Variants in AQP1 observed in about 807,000 individuals in gnomAD.
AQP1 encodes aquaporin-1.
Under a neutral mutation model 19.7 loss-of-function variants are expected in AQP1, and 11 were observed. The observed-to-expected ratio is 0.56, with a 90% CI of 0.35 to 0.92. AQP1 has a LOEUF of 0.92. Ranked by LOEUF, AQP1 falls within the 40% of genes least tolerant of loss-of-function variation. AQP1 has a pLI of 0.01. For missense variants in AQP1, 320 were observed against 369.7 expected (o/e 0.87, Z 1.10); for synonymous variants, 159 against 166.7 (o/e 0.95, Z 0.36).
At position 30,923,611 on chromosome 7, in the gene AQP1, G is replaced by A; in HGVS notation, c.792G>A (p.Val264=). The A allele has an allele frequency of 6.3e-7, 1 of 1,596,014 alleles. No individual in the cohort carries two copies. Among genetic ancestry groups the A allele is most frequent in the African/African-American group, 1.4e-5 (1 of 72,296 alleles). ...ATGCCGACGACATCAACTCCAGGGT[G>A]GAGATGAAGCCCAAATAGAAGGGGT... The part of the protein sequence containing the change: ...DLDADDINSR[V]EMKPK Residue 264 remains valine, a synonymous_variant, in exon 4 of 4, where the codon GTG becomes GTA. Coordinates refer to ENST00000311813, the MANE Select transcript of AQP1 (RefSeq NM_198098.4). The surrounding 1 kb of genome is among the most constrained non-coding windows in gnomAD (Gnocchi z 4.8).
At chr7:30,920,465 C>G (rs1033399510) in intron 1 of AQP1, among the ~76,000 whole-genome samples, 1 of 152,166 alleles carries the variant, frequency 6.6e-6, no homozygotes, top group African/African-American at 2.4e-5. Flanking sequence ...TTCTGCCTGT[C>G]CCCAGATCCT....
rs925542626 is a variant in AQP1, at chr7:30,923,157, G to A, written c.631-293G>A. The stretch of plus-strand genomic sequence containing the variant: ...TTTGCATTAGACAATGGTCTCTGGG[G>A]CCCTTCCAAAGCTGGGAGTGTGGGG... On this transcript the variant is annotated intron_variant, in intron 3 of 3. Coordinates refer to ENST00000311813, the MANE Select transcript of AQP1 (RefSeq NM_198098.4). This position sits in a 1 kb window ranked among gnomAD's most constrained non-coding sequence, Gnocchi z 4.8. 4.6e-5 allele frequency among the ~76,000 whole-genome samples: 7 copies of A among 152,230 alleles called. No homozygotes were observed. Among genetic ancestry groups the A allele is most frequent in the African/African-American group, 1.2e-4 (5 of 41,462 alleles).
In AQP1 at chr7:30,914,763, T is replaced by C. The variant is rs28362702; in HGVS notation, c.384+2470T>C. Reference sequence around the variant, plus strand: ...ACCTGGGTGGGGCAAGTGGTTGGCATGGAGATTTCCAAGGAAAACAGAGAA... The same window carrying C: ...ACCTGGGTGGGGCAAGTGGTTGGCACGGAGATTTCCAAGGAAAACAGAGAA... On this transcript the variant is annotated intron_variant, in intron 1 of 3. Transcript: ENST00000311813. Among the ~76,000 whole-genome samples, 678 of 152,294 alleles carry C rather than the reference T, an allele frequency of 4.5e-3. 7 individuals are homozygous for C. The highest frequency in any genetic ancestry group is 0.016 in the African/African-American group (650 of 41,562).
chr7:30,912,354 C>T lies in AQP1; in HGVS notation c.384+61C>T. ...GAATGATGCTGAAAGGCACTGGTTC[C>T]ATCCTCTGCCCATTGTGCAGATGGG... On this transcript the variant is annotated intron_variant, in intron 1 of 3. Coordinates refer to ENST00000311813, the MANE Select transcript of AQP1 (RefSeq NM_198098.4). The surrounding 1 kb of genome is among the most constrained non-coding windows in gnomAD (Gnocchi z 4.3). The T allele has an allele frequency of 6.4e-7, 1 of 1,573,020 alleles. No homozygotes were observed. The highest frequency in any genetic ancestry group is 8.6e-7 in the Non-Finnish European group (1 of 1,163,574).
At chr7:30,922,813 C>T (rs1317932498) in intron 3 of AQP1, among the ~76,000 whole-genome samples, 169 bp downstream of exon 3, 1 of 152,202 alleles carries the variant, frequency 6.6e-6, no homozygotes, top group African/African-American at 2.4e-5. Flanking sequence ...GTCACACTGC[C>T]AGCACTTTCA....
In AQP1 at chr7:30,924,034, C is replaced by T. The variant is rs765924974; in HGVS notation, c.*405C>T. On this transcript the variant is annotated 3_prime_UTR_variant, in exon 4 of 4. Transcript: ENST00000311813. ...ATTGCTTTGTGCCTTTGGGCACGGCCCTCCTTCTTTTCCTAACATGCACCT... is the reference window on the plus strand; with the variant it reads ...ATTGCTTTGTGCCTTTGGGCACGGCTCTCCTTCTTTTCCTAACATGCACCT... The T allele has an allele frequency of 2.3e-6, 3 of 1,301,266 alleles. No homozygotes were observed. The highest frequency in any genetic ancestry group is 9.3e-5 in the East Asian group (2 of 21,590). The allele number at this position is 1,301,266 out of a possible 1,614,324, so 80.6% of individuals were successfully genotyped here. A position where few individuals can be genotyped will look rare whatever the true frequency, so the allele number is the denominator to read the frequency against.
At position 30,912,323 on chromosome 7, in the gene AQP1, G is replaced by C. The variant is rs746961741; in HGVS notation, c.384+30G>C. The C allele has an allele frequency of 1.6e-5, 25 of 1,592,294 alleles. No homozygotes were observed. The highest frequency in any genetic ancestry group is 2.0e-5 in the Non-Finnish European group (24 of 1,175,212). On this transcript the variant is annotated intron_variant, in intron 1 of 3. Transcript: ENST00000311813. This position sits in a 1 kb window ranked among gnomAD's most constrained non-coding sequence, Gnocchi z 4.3. ...GTGGGGTGTCCCTGGGCTTGGGGGG[G>C]TTCTAGAATGATGCTGAAAGGCACT... is the stretch of plus-strand genomic sequence containing the variant.
chr7:30,920,880 A>T (rs1317141132), intron 1 of AQP1, among the ~76,000 whole-genome samples: 1 of 152,228 alleles, frequency 6.6e-6, no homozygotes, highest in African/African-American at 2.4e-5. Flanking sequence ...AGGGCTGCAG[A>T]CAAAGGCGGG....
At chr7:30,921,309 C>A in intron 1 of AQP1, 1 of 1,335,082 alleles carries the variant, frequency 7.5e-7, no homozygotes, top group Non-Finnish European at 9.6e-7. Flanking sequence ...CTAAAAGTGG[C>A]CCAGGAGTAA....
rs886301385 is a variant in AQP1 at position 30,923,260 on chromosome 7, C to T, written c.631-190C>T. On this transcript the variant is annotated intron_variant, in intron 3 of 3. Coordinates refer to ENST00000311813, the MANE Select transcript of AQP1 (RefSeq NM_198098.4). This position sits in a 1 kb window ranked among gnomAD's most constrained non-coding sequence, Gnocchi z 4.8. Reference sequence around the variant, plus strand: ...CCACAGAGGCAAGGAGTTGACCCTACCACGTACTCTGGCCTGGGCCGGTTC... The same window carrying T: ...CCACAGAGGCAAGGAGTTGACCCTATCACGTACTCTGGCCTGGGCCGGTTC... Among the ~76,000 whole-genome samples, 11 of 152,256 alleles carry T rather than the reference C, an allele frequency of 7.2e-5. No individual in the cohort carries two copies. The highest frequency in any genetic ancestry group is 1.5e-4 in the Non-Finnish European group (10 of 68,048).
intron 3 of AQP1, 64 bp downstream of exon 3, chr7:30,922,708 C>G: frequency 1.4e-6 from 2 of 1,457,284 alleles, no homozygotes; most frequent in Non-Finnish European, 9.6e-7. Flanking sequence ...TGACCCCACC[C>G]TCACAGTGTC....
chr7:30,922,489 C>A (rs988260520), intron 2 of AQP1, 75 bp from the exon 3 acceptor site: 1 of 1,446,544 alleles, frequency 6.9e-7, no homozygotes, highest in Non-Finnish European at 9.7e-7. Flanking sequence ...CTCCCTCCAA[C>A]CTCTCCCTCC....
Position 30,923,994 on chromosome 7 carries a change from T to A in AQP1, c.*365T>A. ...TCACCGACTCACCTGCGCAAGTGCCTGGGATTCTACCGTAATTGCTTTGTG... is the reference window on the plus strand; with the variant it reads ...TCACCGACTCACCTGCGCAAGTGCCAGGGATTCTACCGTAATTGCTTTGTG... On this transcript the variant is annotated 3_prime_UTR_variant, in exon 4 of 4. Transcript: ENST00000311813. The surrounding 1 kb of genome is among the most constrained non-coding windows in gnomAD (Gnocchi z 4.8). 1 of 1,370,766 alleles carries A rather than the reference T, an allele frequency of 7.3e-7. No individual in the cohort carries two copies. Among genetic ancestry groups the A allele is most frequent in the East Asian group, 4.2e-5 (1 of 24,026 alleles). 84.9% of individuals were successfully genotyped at this position (1,370,766 alleles called of 1,614,324 possible). A position where few individuals can be genotyped will look rare whatever the true frequency, so the allele number is the denominator to read the frequency against.
chr7:30,918,366 G>A (rs959929202), intron 1 of AQP1, among the ~76,000 whole-genome samples: 1 of 152,140 alleles, frequency 6.6e-6, no homozygotes, highest in Non-Finnish European at 1.5e-5. Flanking sequence ...AGAGAAAGAG[G>A]GAGTCAGCCC....
At position 30,923,197 on chromosome 7, in the gene AQP1, CAAG is replaced by C. The variant is rs1387716361; in HGVS notation, c.631-249_631-247del. Among the ~76,000 whole-genome samples the C allele has an allele frequency of 6.6e-6, 1 of 152,232 alleles. No individual in the cohort carries two copies. Among genetic ancestry groups the C allele is most frequent in the East Asian group, 1.9e-4 (1 of 5,202 alleles). On this transcript the variant is annotated intron_variant, in intron 3 of 3. Transcript: ENST00000311813. The surrounding 1 kb of genome is among the most constrained non-coding windows in gnomAD (Gnocchi z 4.8). ...GGAGTGTGGGGGCAGTGGCCTTCCT[CAAG>C]AAGGGGCTGCTACTGCCCATGCCTG...
chr7:30,923,362 A>G lies in AQP1; in HGVS notation c.631-88A>G, dbSNP rs1309240134. 1.3e-6 allele frequency: 2 copies of G among 1,598,508 alleles called. No homozygotes were observed. The highest frequency in any genetic ancestry group is 1.3e-5 in the African/African-American group (1 of 74,686). Reference sequence around the variant, plus strand: ...ATCCCAGGTGGGAAAAACCTGTCCAACGGGGTGGTGGGCTGTGGGGTAACC... The same window carrying G: ...ATCCCAGGTGGGAAAAACCTGTCCAGCGGGGTGGTGGGCTGTGGGGTAACC... On this transcript the variant is annotated intron_variant, in intron 3 of 3. Transcript: ENST00000311813. The surrounding 1 kb of genome is among the most constrained non-coding windows in gnomAD (Gnocchi z 4.8).
chr7:30,912,340 A>G lies in AQP1; in HGVS notation c.384+47A>G. ...TTGGGGGGGTTCTAGAATGATGCTG[A>G]AAGGCACTGGTTCCATCCTCTGCCC... is the stretch of plus-strand genomic sequence containing the variant. On this transcript the variant is annotated intron_variant, in intron 1 of 3. Coordinates refer to ENST00000311813, the MANE Select transcript of AQP1 (RefSeq NM_198098.4). The surrounding 1 kb of genome is among the most constrained non-coding windows in gnomAD (Gnocchi z 4.3). The G allele has an allele frequency of 6.3e-7, 1 of 1,586,066 alleles. No individual in the cohort carries two copies. The highest frequency in any genetic ancestry group is 1.3e-5 in the African/African-American group (1 of 74,886).
chr7:30,912,041 G>C lies in AQP1; in HGVS notation c.132G>C (p.Thr44=). Residue 44 remains threonine, a synonymous_variant, in exon 1 of 4, where the codon ACG becomes ACC. Transcript: ENST00000311813. The surrounding 1 kb of genome is among the most constrained non-coding windows in gnomAD (Gnocchi z 4.3). ...GFKYPVGNNQ[T]AVQDNVKVSL... ...AATACCCGGTGGGGAACAACCAGAC[G>C]GCGGTCCAGGACAACGTGAAGGTGT... The C allele has an allele frequency of 6.2e-7, 1 of 1,613,500 alleles. No individual in the cohort carries two copies. The highest frequency in any genetic ancestry group is 8.5e-7 in the Non-Finnish European group (1 of 1,180,036).
Position 30,912,634 on chromosome 7 carries a change from C to T in AQP1, c.384+341C>T, listed in dbSNP as rs368982065. Among the ~76,000 whole-genome samples the T allele has an allele frequency of 2.8e-4, 42 of 152,322 alleles. No individual in the cohort carries two copies. In the South Asian group the frequency reaches 7.7e-3, roughly 28 times the overall value. On this transcript the variant is annotated intron_variant, in intron 1 of 3. Transcript: ENST00000311813. The surrounding 1 kb of genome is among the most constrained non-coding windows in gnomAD (Gnocchi z 4.3). ...TGGCCCTTCTCAGTCCTGCCTGTGC[C>T]GCCAGCTCCCTCCTCCTGCAGCCCT...
Sources: allele counts gnomAD v4.1 joint callset (sites outside exome capture counted in the v4.1 genomes callset), GRCh38; gene constraint gnomAD v4.1.1; non-coding constraint Gnocchi (gnomAD v3.1); transcripts MANE v1.5; gene names NCBI Gene and HGNC (gene_info 2026-07-23, HGNC 2026-07-21).